Variants in IL27RA observed in about 807,000 individuals in gnomAD.
IL27RA encodes interleukin-27 receptor subunit alpha.
Under a neutral mutation model 80.8 loss-of-function variants are expected in IL27RA, and 61 were observed. The observed-to-expected ratio is 0.76, with a 90% confidence interval of 0.61 to 0.93. The LOEUF (loss-of-function observed/expected upper bound fraction) is 0.93, where lower values mean the gene tolerates loss of function less well. Among genes scored for constraint, IL27RA ranks in the 40% least tolerant of loss-of-function variants. IL27RA has a pLI of 0.00. For synonymous variants in IL27RA, 316 were observed against 332.5 expected, an observed-to-expected ratio of 0.95 and a Z score of 0.54; for missense variants, 735 against 808.1, an observed-to-expected ratio of 0.91 and a Z score of 1.10.
chr19:14,049,494 A>G (rs914537680), intron 10 of IL27RA, among the ~76,000 whole-genome samples, 180 bp downstream of exon 10: 2 of 152,202 alleles, frequency 1.3e-5, no homozygotes, highest in African/African-American at 4.8e-5. Context: ...TGAGGATGCC[A>G]ATCTATATTT....
At chr19:14,031,994 T>G (rs770473373) in intron 1 of IL27RA, 22 bp downstream of exon 1, 4 of 1,585,626 alleles carry the variant, frequency 2.5e-6, no homozygotes, top group Non-Finnish European at 3.4e-6. Context: ...AGGGAGCTCG[T>G]GTCCCGGGCG....
chr19:14,044,780 G>A (rs1976039664), intron 6 of IL27RA, among the ~76,000 whole-genome samples: 1 of 151,546 alleles, frequency 6.6e-6, no homozygotes, highest in Admixed American at 6.6e-5. Context: ...GAGGCCAGGA[G>A]TTCGAGACCA....
chr19:14,047,508 C>T (rs1054580997), intron 8 of IL27RA, among the ~76,000 whole-genome samples: 13 of 150,710 alleles, frequency 8.6e-5, no homozygotes, highest in East Asian at 5.9e-4. Flanking sequence ...AGGCCCCCAC[C>T]GCCATGCCCA....
chr19:14,042,603 C>A lies in IL27RA; in HGVS notation c.685C>A (p.Pro229Thr). The change falls in exon 5 of 14, where the codon CCG (proline) becomes ACG (threonine). Residue 229 changes from proline (P) to threonine (T), a missense_variant. Transcript: ENST00000263379. ...EWSPILSFQT[P>T]PSAPKDVWVS... ...GAGCCCCATTTTGTCCTTCCAGACACCGCCTTCTGGTGAGGATATCTGGGC... is the reference window on the plus strand; with the variant it reads ...GAGCCCCATTTTGTCCTTCCAGACAACGCCTTCTGGTGAGGATATCTGGGC... The A allele has an allele frequency of 6.2e-7, 1 of 1,614,150 alleles. No individual in the cohort carries two copies. The highest frequency in any genetic ancestry group is 8.5e-7 in the Non-Finnish European group (1 of 1,180,030).
intron 10 of IL27RA, among the ~76,000 whole-genome samples, chr19:14,049,569 G>A (rs576842055): frequency 4.6e-5 from 7 of 151,578 alleles, no homozygotes; most frequent in Non-Finnish European, 8.8e-5. Flanking sequence ...TTAAAATTCC[G>A]TGGTATGGTT....
chr19:14,049,302 G>C lies in IL27RA; in HGVS notation c.1390G>C (p.Val464Leu). ...LCAQSGTSPS[V>L]CMNVSGNTQS... ...TGCACAGAGTGGAACCAGCCCCTCCGTCTGCATGAATGGTGAGCTTCCCTG... is the reference window on the plus strand; with the variant it reads ...TGCACAGAGTGGAACCAGCCCCTCCCTCTGCATGAATGGTGAGCTTCCCTG... Residue 464 changes from valine to leucine, a missense_variant, in exon 10 of 14, where the codon GTC (valine) becomes CTC (leucine). By Grantham distance (32) the Val-to-Leu change is conservative. Transcript: ENST00000263379. The C allele has an allele frequency of 1.2e-6, 2 of 1,613,266 alleles. No homozygotes were observed. Among genetic ancestry groups the C allele is most frequent in the Non-Finnish European group, 1.7e-6 (2 of 1,179,756 alleles).
intron 8 of IL27RA, among the ~76,000 whole-genome samples, chr19:14,048,019 G>A (rs962418225): frequency 3.4e-5 from 5 of 148,762 alleles, no homozygotes; most frequent in African/African-American, 5.0e-5. Context: ...GTGCAGTGGC[G>A]TGATCTCAGC....
chr19:14,036,840 A>G (rs926057288), intron 2 of IL27RA, among the ~76,000 whole-genome samples: 2 of 129,518 alleles, frequency 1.5e-5, no homozygotes, highest in Non-Finnish European at 3.3e-5. Flanking sequence ...TGTATACCAC[A>G]TTTTTTTTTT....
intron 2 of IL27RA, among the ~76,000 whole-genome samples, chr19:14,037,836 T>C (rs75391905): frequency 0.021 from 606 of 28,750 alleles, 9 homozygotes; most frequent in African/African-American, 0.033. Context: ...CTCTCTCTCT[T>C]TTTTTTTTTT....
chr19:14,047,500 G>GC (rs1976086541), intron 8 of IL27RA, among the ~76,000 whole-genome samples: 1 of 150,082 alleles, frequency 6.7e-6, no homozygotes, highest in Non-Finnish European at 1.5e-5. Flanking sequence ...GGGATCACAG[G>GC]CCCCCACCGC....
chr19:14,051,222 T>C (rs1399962241), intron 11 of IL27RA, among the ~76,000 whole-genome samples: 4 of 152,138 alleles, frequency 2.6e-5, no homozygotes, highest in African/African-American at 9.7e-5. Flanking sequence ...CGCTCCAGCC[T>C]GGGCAACAAA....
chr19:14,036,579 C>G (rs1358433484), intron 2 of IL27RA, among the ~76,000 whole-genome samples: 1 of 150,686 alleles, frequency 6.6e-6, no homozygotes, highest in Non-Finnish European at 1.5e-5. Context: ...ACCTCTGCCT[C>G]CCCGGTCCAA....
rs529787928 is a variant in IL27RA, at chr19:14,039,608, G to T, written c.319G>T (p.Gly107Cys). The T allele has an allele frequency of 3.1e-6, 5 of 1,614,168 alleles. No homozygotes were observed. Among genetic ancestry groups the T allele is most frequent in the Middle Eastern group, 1.6e-4 (1 of 6,062 alleles). Residue 107 changes from glycine to cysteine, a missense_variant, in exon 3 of 14, where the codon GGC (glycine) becomes TGC (cysteine). By Grantham distance (159) the Gly-to-Cys change is radical. Coordinates refer to ENST00000263379, the MANE Select transcript of IL27RA (RefSeq NM_004843.4). ...CATGTCTGACAAACTCCTTGTCTGG[G>T]GCACTAAGGCAGGCCAGCCTCTCTG... ...LTMSDKLLVWGTKAGQPLWPP... is the reference protein window; with the variant it reads ...LTMSDKLLVWCTKAGQPLWPP...
chr19:14,051,332 G>T (rs551671611), intron 11 of IL27RA, among the ~76,000 whole-genome samples: 18 of 151,846 alleles, frequency 1.2e-4, no homozygotes, highest in Non-Finnish European at 1.9e-4. Flanking sequence ...ATCAGTTGAG[G>T]TCAGGAGTTC....
intron 2 of IL27RA, among the ~76,000 whole-genome samples, chr19:14,036,840 A>ATTT (rs149297021): frequency 7.7e-6 from 1 of 129,518 alleles, no homozygotes. Flanking sequence ...TGTATACCAC[A>ATTT]TTTTTTTTTT....
intron 6 of IL27RA, 147 bp from the exon 7 acceptor site, chr19:14,046,007 A>G: frequency 2.6e-6 from 2 of 770,118 alleles, no homozygotes; most frequent in South Asian, 3.5e-5. Flanking sequence ...TCTGGGTAAC[A>G]GAATGAAGAC....
rs536674446 is a variant in IL27RA at position 14,036,435 on chromosome 19, A to C, written c.219-3073A>C. ...TGTTTGTCTTTCCGTGTCTTATTTC[A>C]CGTAACATAATGTTCGCCATTTCCA... On this transcript the variant is annotated intron_variant, in intron 2 of 13. Coordinates refer to ENST00000263379, the MANE Select transcript of IL27RA (RefSeq NM_004843.4). Among the ~76,000 whole-genome samples, 15 of 151,286 alleles carry C rather than the reference A, an allele frequency of 9.9e-5. No individual in the cohort carries two copies. The South Asian group carries it at 3.1e-3, about 32-fold the overall frequency.
chr19:14,034,230 C>T (rs1374712131), intron 2 of IL27RA, among the ~76,000 whole-genome samples: 1 of 152,106 alleles, frequency 6.6e-6, no homozygotes, highest in Non-Finnish European at 1.5e-5. Context: ...CCATGTGTTT[C>T]TTCATGATGA....
intron 6 of IL27RA, 100 bp from the exon 7 acceptor site, chr19:14,046,054 A>C: frequency 3.5e-6 from 4 of 1,131,118 alleles, no homozygotes; most frequent in Non-Finnish European, 3.8e-6. Context: ...CAAACAAAAA[A>C]TGCTTCACTG....
Sources: gnomAD v4.1 joint callset for allele counts (sites outside exome capture counted in the v4.1 genomes callset) on GRCh38, gnomAD v4.1.1 for gene constraint, MANE v1.5 for transcripts, NCBI Gene and HGNC (gene_info 2026-07-23, HGNC 2026-07-21) for gene names.